The following SETD2 variants were observed in gnomAD, a reference collection of about 807,000 sequenced individuals.
SETD2 encodes histone-lysine N-methyltransferase SETD2.
A neutral mutation model predicts 242.1 loss-of-function variants in SETD2; 31 were observed. The observed-to-expected ratio is 0.13, with a 90% CI of 0.10 to 0.17. SETD2 has a LOEUF of 0.17. Among genes scored for constraint, SETD2 ranks in the 10% least tolerant of loss-of-function variants. SETD2 has a pLI of 1.00. For missense variants in SETD2, 2,481 were observed against 3,046.3 expected (o/e 0.81, Z 4.37); for synonymous variants, 1,006 against 1,066.5 (o/e 0.94, Z 1.11).
chr3:47,049,451 C>T (rs1180419769), intron 15 of SETD2, among the ~76,000 whole-genome samples: 1 of 142,436 alleles, frequency 7.0e-6, no homozygotes, highest in Non-Finnish European at 1.5e-5. Context: ...CGGCTCACTG[C>T]AAGCTCCGCC....
intron 17 of SETD2, among the ~76,000 whole-genome samples, chr3:47,038,870 G>A (rs2039145926): frequency 6.6e-6 from 1 of 152,188 alleles, no homozygotes; most frequent in African/African-American, 2.4e-5. Context: ...AATGTCAAAA[G>A]CCTCAAAGGA....
chr3:47,135,712 A>T (rs186953387), intron 1 of SETD2, among the ~76,000 whole-genome samples: 2 of 152,214 alleles, frequency 1.3e-5, no homozygotes, highest in Admixed American at 6.5e-5. Flanking sequence ...TATTTCACAC[A>T]TTCCCCTACC....
chr3:47,075,785 C>G lies in SETD2; in HGVS notation c.6060+7935G>C, dbSNP rs549940362. ...GGGCCTGTTTGATTCCACTTTACAG[C>G]TGATAAAAACACCACCACTTAACTT... On this transcript the variant is annotated intron_variant, in intron 12 of 20. Coordinates refer to ENST00000409792, the MANE Select transcript of SETD2 (RefSeq NM_014159.7). Among the ~76,000 whole-genome samples, 12 of 152,202 alleles carry G rather than the reference C, an allele frequency of 7.9e-5. No individual in the cohort carries two copies. In the East Asian group the frequency reaches 2.3e-3, roughly 29 times the overall value.
chr3:47,164,251 G>C (rs1489883129), upstream of SETD2, among the ~76,000 whole-genome samples: 1 of 152,178 alleles, frequency 6.6e-6, no homozygotes, highest in Admixed American at 6.5e-5. This position sits in a 1 kb window ranked among gnomAD's most constrained non-coding sequence, Gnocchi z 5.4. Context: ...CTTGACCCCA[G>C]GCCGGGACGG....
chr3:47,162,277 A>G (rs1414866878), intron 1 of SETD2, among the ~76,000 whole-genome samples: 2 of 152,084 alleles, frequency 1.3e-5, no homozygotes, highest in Admixed American at 6.5e-5. Context: ...TTGAATCGTG[A>G]TATAAAATTT....
rs190523530 is a variant in SETD2, at chr3:47,160,998, T to C, written c.71+2856A>G. Among the ~76,000 whole-genome samples the C allele has an allele frequency of 1.6e-4, 24 of 152,334 alleles. No homozygotes were observed. The South Asian group carries it at 3.1e-3, about 20-fold the overall frequency. On this transcript the variant is annotated intron_variant, in intron 1 of 20. Coordinates refer to ENST00000409792, the MANE Select transcript of SETD2 (RefSeq NM_014159.7). ...ATGGGTACAAGACAAACCCAGAACA[T>C]CAGACGCTAAGTGTTACTTCAGTCA...
intron 1 of SETD2, among the ~76,000 whole-genome samples, chr3:47,135,538 A>G (rs1388495402): frequency 6.6e-6 from 1 of 152,236 alleles, no homozygotes; most frequent in African/African-American, 2.4e-5. Context: ...TGGCCTCCCA[A>G]GTGTTGGGAT....
In SETD2 at chr3:47,164,007, C is replaced by G; in HGVS notation, c.-83G>C. Reference sequence around the variant, plus strand: ...GAGGGGAGGGGAGGAGGCCGCAGGTCCGACCGCGGCGGCGGCGGCGGCGGC... The same window carrying G: ...GAGGGGAGGGGAGGAGGCCGCAGGTGCGACCGCGGCGGCGGCGGCGGCGGC... On this transcript the variant is annotated 5_prime_UTR_variant, in exon 1 of 21. Transcript: ENST00000409792. This position sits in a 1 kb window ranked among gnomAD's most constrained non-coding sequence, Gnocchi z 5.4. 8.4e-7 allele frequency: 1 copy of G among 1,188,428 alleles called. No homozygotes were observed. Among genetic ancestry groups the G allele is most frequent in the African/African-American group, 2.3e-5 (1 of 44,330 alleles). The allele number at this position is 1,188,428 out of a possible 1,614,324, so 73.6% of individuals were successfully genotyped here.
intron 5 of SETD2, among the ~76,000 whole-genome samples, chr3:47,108,408 T>C (rs1361414652): frequency 6.6e-6 from 1 of 152,178 alleles, no homozygotes; most frequent in African/African-American, 2.4e-5. Flanking sequence ...ATTATGCCCA[T>C]TTGACAAATA....
chr3:47,068,699 G>C (rs1001925422), intron 12 of SETD2, among the ~76,000 whole-genome samples: 1 of 152,264 alleles, frequency 6.6e-6, no homozygotes, highest in Admixed American at 6.5e-5. Flanking sequence ...GTTTCACCAT[G>C]TTAGCCAGGT....
At chr3:47,149,447 A>ACTCC (rs986473717) in intron 1 of SETD2, among the ~76,000 whole-genome samples, 1 of 150,834 alleles carries the variant, frequency 6.6e-6, no homozygotes, top group African/African-American at 2.4e-5. Flanking sequence ...TAGTAGAAGG[A>ACTCC]CTCCCTACAC....
At position 47,057,505 on chromosome 3, in the gene SETD2, A is replaced by G. The variant is rs779938199; in HGVS notation, c.6294-15T>C. The G allele has an allele frequency of 9.4e-6, 15 of 1,602,330 alleles. No homozygotes were observed. In the Middle Eastern group the frequency reaches 5.0e-4, roughly 53 times the overall value. On this transcript the variant is annotated splice_polypyrimidine_tract_variant and intron_variant, in intron 14 of 20. Transcript: ENST00000409792. ...GTGTATCATATCTAGAAAGAAAATA[A>G]GGACCACAAAAAGTTGCTCCCTAAA...
intron 12 of SETD2, among the ~76,000 whole-genome samples, chr3:47,067,346 A>G (rs2040600718): frequency 1.3e-5 from 2 of 151,552 alleles, no homozygotes; most frequent in Admixed American, 6.6e-5. Context: ...TCAAGCTTGT[A>G]CGATCTCACT....
chr3:47,120,619 C>A lies in SETD2; in HGVS notation c.4017G>T (p.Glu1339Asp), dbSNP rs748587569. The A allele has an allele frequency of 1.1e-5, 18 of 1,614,058 alleles. 1 individual carries two copies. The South Asian group carries it at 2.0e-4, about 18-fold the overall frequency. The change falls in exon 3 of 21, where the codon GAG (glutamate) becomes GAT (aspartate). Residue 1339 changes from glutamate to aspartate, a missense_variant. Around this residue, in one of 17 missense-constraint regions of SETD2, gnomAD observed 1,300 missense variants for 1,259.2 expected, o/e 1.03. Transcript: ENST00000409792. ...GGGATCCATCCTGTTGATCCCAATTCTCCTCTTCTTCACGATCATCTGTTA... is the reference window on the plus strand; with the variant it reads ...GGGATCCATCCTGTTGATCCCAATTATCCTCTTCTTCACGATCATCTGTTA... ...DSLTDDREEE[E>D]NWDQQDGSHF...
chr3:47,162,837 G>A (rs924155882), intron 1 of SETD2, among the ~76,000 whole-genome samples: 1 of 152,202 alleles, frequency 6.6e-6, no homozygotes. Flanking sequence ...TGAGGGTTCA[G>A]GGAAAGAAGT....
chr3:47,161,635 A>T (rs1697490620), intron 1 of SETD2, among the ~76,000 whole-genome samples: 1 of 152,226 alleles, frequency 6.6e-6, no homozygotes. Context: ...TACTCCATAC[A>T]GGTTAATACA....
intron 14 of SETD2, among the ~76,000 whole-genome samples, chr3:47,060,458 T>A (rs777579305): frequency 6.6e-6 from 1 of 152,100 alleles, no homozygotes; most frequent in Non-Finnish European, 1.5e-5. Flanking sequence ...TAATAGAAGC[T>A]ACAGTCATCA....
intron 2 of SETD2, among the ~76,000 whole-genome samples, chr3:47,125,353 A>C (rs77929759): frequency 6.9e-6 from 1 of 145,786 alleles, no homozygotes; most frequent in Admixed American, 6.9e-5. Context: ...AAAAAAAAAA[A>C]CATACTCATC....
In SETD2 at chr3:47,056,937, G is replaced by C; in HGVS notation, c.6847C>G (p.Gln2283Glu). 6.2e-7 allele frequency: 1 copy of C among 1,614,206 alleles called. No homozygotes were observed. Reference protein sequence around the residue: ...WDSNQQSVSVQQQYSPAQSQA... With the variant: ...WDSNQQSVSVEQQYSPAQSQA... ...GACTGTGCAGGAGAGTACTGCTGCT[G>C]TACACTGACAGACTGTTGGTTTGAA... The change falls in exon 15 of 21, where the codon CAG becomes GAG. Residue 2283 changes from glutamine (Q) to glutamate (E), a missense_variant. Gln to Glu is a conservative substitution (Grantham distance 29, BLOSUM62 2). This residue lies in a region of SETD2 where 235 missense variants were observed against 293.9 expected (regional missense o/e 0.80). Transcript: ENST00000409792.
Sources: allele counts gnomAD v4.1 joint callset (sites outside exome capture counted in the v4.1 genomes callset), GRCh38; gene constraint gnomAD v4.1.1; regional missense constraint gnomAD v4.1.1; non-coding constraint Gnocchi (gnomAD v3.1); transcripts MANE v1.5; gene names NCBI Gene and HGNC (gene_info 2026-07-23, HGNC 2026-07-21).